Variants in MACROD2 observed in about 807,000 individuals in gnomAD.
MACROD2 encodes ADP-ribose glycohydrolase MACROD2.
Under a neutral mutation model 70.4 loss-of-function variants are expected in MACROD2, and 36 were observed. That is an observed-to-expected ratio of 0.51 (90% CI 0.39 to 0.68). MACROD2 has a LOEUF of 0.68. Ranked by LOEUF, MACROD2 falls within the 30% of genes least tolerant of loss-of-function variation. The pLI is 0.00. For missense variants in MACROD2, 496 were observed against 538.4 expected (o/e 0.92, Z 0.78); for synonymous variants, 172 against 178.8 (o/e 0.96, Z 0.30).
At chr20:15,879,254 C>A (rs1257700036) in intron 9 of MACROD2, among the ~76,000 whole-genome samples, 1 of 152,106 alleles carries the variant, frequency 6.6e-6, no homozygotes, top group Non-Finnish European at 1.5e-5. Flanking sequence ...CAACTCTGTG[C>A]CCATGCTTCA....
chr20:15,939,119 G>A (rs762930533), intron 12 of MACROD2, among the ~76,000 whole-genome samples: 1 of 152,228 alleles, frequency 6.6e-6, no homozygotes, highest in Non-Finnish European at 1.5e-5. Flanking sequence ...GCAAGGTGAA[G>A]CAGCAAGTAC....
chr20:15,735,628 T>C (rs6034276), intron 8 of MACROD2, among the ~76,000 whole-genome samples: 1 of 152,218 alleles, frequency 6.6e-6, no homozygotes, highest in Non-Finnish European at 1.5e-5. Context: ...TACCAGGATA[T>C]GCCGCTGTGT....
At chr20:14,440,356 T>C (rs2084107495) in intron 3 of MACROD2, among the ~76,000 whole-genome samples, 1 of 152,208 alleles carries the variant, frequency 6.6e-6, no homozygotes, top group Non-Finnish European at 1.5e-5. Context: ...TTTGCAATTT[T>C]TTTTTTGGTT....
chr20:15,054,670 T>A (rs549307627), intron 5 of MACROD2, among the ~76,000 whole-genome samples: 55 of 152,328 alleles, frequency 3.6e-4, no homozygotes, highest in Non-Finnish European at 7.5e-4. Flanking sequence ...TGCTGAGATA[T>A]GCCTGTATTA....
intron 6 of MACROD2, among the ~76,000 whole-genome samples, chr20:15,368,019 G>T (rs1009085450): frequency 2.6e-5 from 4 of 151,954 alleles, no homozygotes; most frequent in Admixed American, 2.0e-4. Context: ...TTTTCTTTCA[G>T]CCAGAGGACC....
intron 7 of MACROD2, among the ~76,000 whole-genome samples, chr20:15,475,650 C>T (rs1469065184): frequency 1.3e-5 from 2 of 152,236 alleles, no homozygotes; most frequent in Non-Finnish European, 2.9e-5. Context: ...CCCTGGCCGC[C>T]TGCCACACAC....
At chr20:14,717,339 G>T (rs1171682897) in intron 5 of MACROD2, among the ~76,000 whole-genome samples, 1 of 152,178 alleles carries the variant, frequency 6.6e-6, no homozygotes, top group Admixed American at 6.5e-5. Context: ...AGGACACTGT[G>T]TGTGTGTTGA....
intron 13 of MACROD2, among the ~76,000 whole-genome samples, chr20:15,973,542 A>T (rs1229746325): frequency 6.6e-6 from 1 of 152,228 alleles, no homozygotes; most frequent in Non-Finnish European, 1.5e-5. Context: ...ATCACATGAC[A>T]GTATACTCAG....
chr20:14,370,704 T>C (rs1354347610), intron 3 of MACROD2, among the ~76,000 whole-genome samples: 1 of 152,200 alleles, frequency 6.6e-6, no homozygotes, highest in African/African-American at 2.4e-5. Flanking sequence ...CTCCAATCCA[T>C]TGGTGTCACT....
intron 3 of MACROD2, among the ~76,000 whole-genome samples, chr20:14,341,983 TC>T (rs2083017728): frequency 6.6e-6 from 1 of 152,160 alleles, no homozygotes; most frequent in Non-Finnish European, 1.5e-5. Context: ...CATATCACAT[TC>T]CCATAACACA....
chr20:15,526,311 A>C lies in MACROD2; in HGVS notation c.645+26464A>C, dbSNP rs117225821. On this transcript the variant is annotated intron_variant, in intron 8 of 17. Coordinates refer to ENST00000684519, the MANE Select transcript of MACROD2 (RefSeq NM_001351661.2). ...TCTGATCTTTTGAAACAATTAGATG[A>C]CAATGATGGAATGATATATAATTAG... 2.6e-4 allele frequency among the ~76,000 whole-genome samples: 40 copies of C among 152,348 alleles called. 1 individual carries two copies. The East Asian group carries it at 7.7e-3, about 29-fold the overall frequency.
chr20:14,984,800 C>T (rs2074834082), intron 5 of MACROD2, among the ~76,000 whole-genome samples: 1 of 152,038 alleles, frequency 6.6e-6, no homozygotes, highest in Non-Finnish European at 1.5e-5. Flanking sequence ...GGGGGCATCT[C>T]GTCTGAGGAA....
chr20:15,967,523 T>C, intron 12 of MACROD2, 30 bp from the exon 13 acceptor site: 1 of 1,582,674 alleles, frequency 6.3e-7, no homozygotes, highest in Non-Finnish European at 8.6e-7. Context: ...TTAAAAATGC[T>C]GACCAAAGGT....
intron 3 of MACROD2, among the ~76,000 whole-genome samples, chr20:14,166,449 C>T (rs1569187220): frequency 6.6e-6 from 1 of 152,234 alleles, no homozygotes; most frequent in East Asian, 1.9e-4. Flanking sequence ...TAGACAGCTT[C>T]TCCTTTGGAA....
In MACROD2 at chr20:15,159,354, CAT is replaced by C. The variant is rs1447166432; in HGVS notation, c.419-70583_419-70582del. Among the ~76,000 whole-genome samples the C allele has an allele frequency of 2.6e-5, 4 of 152,102 alleles. No homozygotes were observed. The East Asian group carries it at 7.7e-4, about 29-fold the overall frequency. On this transcript the variant is annotated intron_variant, in intron 5 of 17. Transcript: ENST00000684519. ...TTTGTGTGTAGTCAGTTTTGTCAAA[CAT>C]ATGACTCTCTGGAAATTTTGCAGAA...
At chr20:15,026,707 A>C (rs868501305) in intron 5 of MACROD2, among the ~76,000 whole-genome samples, 7 of 152,166 alleles carry the variant, frequency 4.6e-5, no homozygotes, top group African/African-American at 1.7e-4. Context: ...AACTCTGCGG[A>C]CTGCTGAAGG....
At chr20:15,627,239 A>C (rs1340323190) in intron 8 of MACROD2, among the ~76,000 whole-genome samples, 1 of 151,872 alleles carries the variant, frequency 6.6e-6, no homozygotes, top group Non-Finnish European at 1.5e-5. Context: ...AAAAAAAAAA[A>C]AAAAAAAAAC....
intron 5 of MACROD2, among the ~76,000 whole-genome samples, chr20:14,992,033 G>A (rs1458060979): frequency 6.6e-6 from 1 of 152,136 alleles, no homozygotes; most frequent in Non-Finnish European, 1.5e-5. Flanking sequence ...ATAGAGTCAG[G>A]TGTTAACGCA....
chr20:15,044,472 A>G (rs2075378161), intron 5 of MACROD2, among the ~76,000 whole-genome samples: 1 of 151,878 alleles, frequency 6.6e-6, no homozygotes, highest in South Asian at 2.1e-4. Flanking sequence ...AGTGTCTCCC[A>G]TTTGCCCTCC....
Sources: gnomAD v4.1 joint callset for allele counts (sites outside exome capture counted in the v4.1 genomes callset) on GRCh38, gnomAD v4.1.1 for gene constraint, MANE v1.5 for transcripts, NCBI Gene and HGNC (gene_info 2026-07-23, HGNC 2026-07-21) for gene names.